PRDM11: variants seen among roughly 807,000 people sequenced by gnomAD.
PRDM11 encodes the protein PR/SET domain 11, also known as PR domain-containing protein 11.
A neutral mutation model predicts 97.8 loss-of-function variants in PRDM11; 20 were observed. The ratio of observed to expected loss-of-function variants is 0.20; its 90% CI spans 0.14 to 0.30. The LOEUF (loss-of-function observed/expected upper bound fraction) is 0.30. Among genes scored for constraint, PRDM11 ranks in the 10% least tolerant of loss-of-function variants. PRDM11 has a pLI of 1.00. For synonymous variants in PRDM11, 599 were observed against 637.7 expected (o/e 0.94, Z 0.91); for missense variants, 1,139 against 1,555.2 (o/e 0.73, Z 4.50).
In PRDM11 at chr11:45,190,516, C is replaced by G. The variant is rs998413422; in HGVS notation, c.486+7393C>G. 4.0e-5 allele frequency among the ~76,000 whole-genome samples: 6 copies of G among 151,310 alleles called. No homozygotes were observed. In the South Asian group the frequency reaches 1.3e-3, roughly 32 times the overall value. On this transcript the variant is annotated intron_variant, in intron 4 of 7. Transcript: ENST00000683152. The stretch of plus-strand genomic sequence containing the variant: ...TTACAGAGACATCATGACACTTTAC[C>G]TCAAAACACTTCAGCCAAATTCCTA...
At chr11:45,205,812 A>G (rs904383202) in intron 5 of PRDM11, among the ~76,000 whole-genome samples, 5 of 152,108 alleles carry the variant, frequency 3.3e-5, no homozygotes, top group Non-Finnish European at 5.9e-5. Context: ...TCCACTGCCC[A>G]CCTATACTCC....
intron 5 of PRDM11, among the ~76,000 whole-genome samples, chr11:45,218,994 C>T (rs1218649237): frequency 6.6e-6 from 1 of 152,212 alleles, no homozygotes; most frequent in African/African-American, 2.4e-5. Flanking sequence ...TGGTTGTCAA[C>T]CTTTTGTAGT....
At chr11:45,225,146 C>T (rs922209960) in intron 7 of PRDM11, 6 of 1,371,596 alleles carry the variant, frequency 4.4e-6, no homozygotes, top group Non-Finnish European at 5.6e-6. Context: ...GGTGTCTTAC[C>T]CCAAAGCCCA....
rs141438963 is a variant in PRDM11, at chr11:45,207,844, C to T, written c.554+3066C>T. 6.6e-5 allele frequency among the ~76,000 whole-genome samples: 10 copies of T among 152,306 alleles called. No homozygotes were observed. In the East Asian group the frequency reaches 7.7e-4, roughly 12 times the overall value. ...GAGGGCTGAAGGATGTTGGTGCCGC[C>T]GGCCTTCCCCTCTTGGTTTCAGAAG... On this transcript the variant is annotated intron_variant, in intron 5 of 7. Transcript: ENST00000683152.
chr11:45,168,037 G>A (rs535503527), intron 1 of PRDM11, among the ~76,000 whole-genome samples: 6 of 152,324 alleles, frequency 3.9e-5, no homozygotes, highest in East Asian at 3.9e-4. Context: ...AGGAGATGCC[G>A]AGGCTGCCAG....
In PRDM11 at chr11:45,227,428, G is replaced by A. The variant is rs1284445805; in HGVS notation, c.2803G>A (p.Glu935Lys). Residue 935 changes from glutamate to lysine, a missense_variant, in exon 8 of 8, where the codon GAG (glutamate) becomes AAG (lysine). Coordinates refer to ENST00000683152, the MANE Select transcript of PRDM11 (RefSeq NM_001384648.1). The surrounding 1 kb of genome is among the most constrained non-coding windows in gnomAD (Gnocchi z 8.0). ...GGGAGAATACCTGCAGGAGTTCGAGGAGAATTTCCGAGAGAGCTTCAACGG... is the reference window on the plus strand; with the variant it reads ...GGGAGAATACCTGCAGGAGTTCGAGAAGAATTTCCGAGAGAGCTTCAACGG... ...SPGEYLQEFE[E>K]NFRESFNGIA... 1.7e-5 allele frequency: 26 copies of A among 1,533,860 alleles called. No individual in the cohort carries two copies. Among genetic ancestry groups the A allele is most frequent in the Non-Finnish European group, 2.1e-5 (24 of 1,146,734 alleles).
Position 45,107,148 on chromosome 11 carries a change from A to AAG in PRDM11, c.96+11248_96+11249dup, listed in dbSNP as rs1400861230. ...CCCAGGGGCCTCCATAGAGCAAGAT[A>AAG]AGTGCCACGTTAGCACACCAGGGTC... On this transcript the variant is annotated intron_variant, in intron 1 of 6. Transcript: ENST00000530656. 3.3e-5 allele frequency among the ~76,000 whole-genome samples: 5 copies of AAG among 152,302 alleles called. No individual in the cohort carries two copies. In the East Asian group the frequency reaches 9.7e-4, roughly 29 times the overall value.
At chr11:45,129,450 T>C (rs1852670935) in intron 1 of PRDM11, among the ~76,000 whole-genome samples, 1 of 152,294 alleles carries the variant, frequency 6.6e-6, no homozygotes, top group Admixed American at 6.5e-5. Flanking sequence ...GGAAAGGTCG[T>C]TTAAACAAGG....
intron 5 of PRDM11, chr11:45,213,611 T>C (rs1398069851): frequency 4.4e-6 from 2 of 456,570 alleles, no homozygotes; most frequent in Non-Finnish European, 8.8e-6. Context: ...AAGAATGGGA[T>C]GACGTCGGAG....
In PRDM11 at chr11:45,135,821, G is replaced by A. The variant is rs551576565; in HGVS notation, c.96+39920G>A. 6.6e-5 allele frequency among the ~76,000 whole-genome samples: 10 copies of A among 152,216 alleles called. No homozygotes were observed. In the East Asian group the frequency reaches 1.5e-3, roughly 23 times the overall value. ...CCAAAACCCATAATCCGAGTCTAAC[G>A]ATGAGAAAAACATCAGACAAACTAC... On this transcript the variant is annotated intron_variant, in intron 1 of 6. Coordinates refer to the PRDM11 transcript ENST00000530656.
chr11:45,141,975 G>T (rs1467906804), upstream of PRDM11, among the ~76,000 whole-genome samples: 1 of 152,168 alleles, frequency 6.6e-6, no homozygotes, highest in Non-Finnish European at 1.5e-5. Context: ...ATGTTCTCCA[G>T]CCACTGGAAG....
At chr11:45,137,600 T>G (rs1401013542) in intron 1 of PRDM11, among the ~76,000 whole-genome samples, 1 of 151,926 alleles carries the variant, frequency 6.6e-6, no homozygotes, top group Admixed American at 6.6e-5. Context: ...AAAATAAAAT[T>G]AGCCGGGCAT....
At chr11:45,212,948 C>G in intron 5 of PRDM11, 1 of 399,238 alleles carries the variant, frequency 2.5e-6, no homozygotes, top group South Asian at 1.8e-5. Context: ...CCAGGCCACC[C>G]AGGCCCAAGC....
intron 1 of PRDM11, among the ~76,000 whole-genome samples, chr11:45,163,110 G>C (rs1342233968): frequency 6.6e-6 from 1 of 152,184 alleles, no homozygotes; most frequent in East Asian, 1.9e-4. Flanking sequence ...GAGCTCAGCT[G>C]TGTGCCCCCG....
intron 1 of PRDM11, among the ~76,000 whole-genome samples, chr11:45,166,973 T>C (rs1245134877): frequency 6.6e-6 from 1 of 152,254 alleles, no homozygotes; most frequent in Admixed American, 6.5e-5. Flanking sequence ...CATCTCATTC[T>C]TTGTTTACTT....
rs568812952 is a variant in PRDM11 at position 45,176,710 on chromosome 11, A to T, written c.-6-5051A>T. ...TTTTGTGTTCATCACAAAAGTATTCATTTGCAAATCTGTCTTATACATGTA... is the reference window on the plus strand; with the variant it reads ...TTTTGTGTTCATCACAAAAGTATTCTTTTGCAAATCTGTCTTATACATGTA... On this transcript the variant is annotated intron_variant, in intron 1 of 7. Coordinates refer to ENST00000683152, the MANE Select transcript of PRDM11 (RefSeq NM_001384648.1). Among the ~76,000 whole-genome samples the T allele has an allele frequency of 4.5e-3, 687 of 152,312 alleles. 3 individuals are homozygous for T. The highest frequency in any genetic ancestry group is 7.5e-3 in the Non-Finnish European group (513 of 68,030).
In PRDM11 at chr11:45,182,187, C is replaced by A. The variant is rs1852530642; in HGVS notation, c.120-59C>A. 2.7e-6 allele frequency: 4 copies of A among 1,498,138 alleles called. No homozygotes were observed. In the Admixed American group the frequency reaches 7.0e-5, roughly 26 times the overall value. The allele number at this position is 1,498,138 out of a possible 1,614,324, so 92.8% of individuals were successfully genotyped here. A position where few individuals can be genotyped will look rare whatever the true frequency, so the allele number is the denominator to read the frequency against. ...GCCAGGTCCCCAGCTTTTGTCCCCA[C>A]TGGGCTCTCACTCTCTGATGACTTC... On this transcript the variant is annotated intron_variant, in intron 2 of 7. Coordinates refer to ENST00000683152, the MANE Select transcript of PRDM11 (RefSeq NM_001384648.1).
chr11:45,098,442 C>G (rs1851920420), intron 1 of PRDM11, among the ~76,000 whole-genome samples: 1 of 152,178 alleles, frequency 6.6e-6, no homozygotes, highest in South Asian at 2.1e-4. Flanking sequence ...GTCGGGGAGA[C>G]TGGAAACCAA....
intron 1 of PRDM11, among the ~76,000 whole-genome samples, chr11:45,128,203 G>T (rs996673837): frequency 6.6e-6 from 1 of 152,228 alleles, no homozygotes; most frequent in African/African-American, 2.4e-5. Context: ...TTGGCAAAGT[G>T]CAGTATTAGG....
Sources: gnomAD v4.1 joint callset for allele counts (sites outside exome capture counted in the v4.1 genomes callset) on GRCh38, gnomAD v4.1.1 for gene constraint, Gnocchi (gnomAD v3.1) non-coding constraint, MANE v1.5 for transcripts, NCBI Gene and HGNC (gene_info 2026-07-23, HGNC 2026-07-21) for gene names.